CEP128: variants seen among roughly 807,000 people sequenced by gnomAD.
CEP128 encodes centrosomal protein 128kDa.
A neutral mutation model predicts 156.7 loss-of-function variants in CEP128; 132 were observed. That is an observed-to-expected ratio of 0.84 (90% CI 0.73 to 0.97). The LOEUF (loss-of-function observed/expected upper bound fraction) is 0.97. Among genes scored for constraint, CEP128 ranks in the 50% least tolerant of loss-of-function variants. The probability of loss-of-function intolerance (pLI) is 0.00; values close to 1 mark genes in which losing one functional copy is unlikely to be tolerated. For synonymous variants in CEP128, 469 were observed against 448.9 expected (o/e 1.04, Z -0.57); for missense variants, 1,252 against 1,281.9 (o/e 0.98, Z 0.36).
At chr14:80,767,759 A>G (rs1900311224) in intron 16 of CEP128, among the ~76,000 whole-genome samples, 5 of 152,164 alleles carry the variant, frequency 3.3e-5, no homozygotes, top group Admixed American at 2.6e-4. Context: ...AGCCTTAGTA[A>G]AACAATAGAG....
At chr14:80,539,529 C>T (rs189263631) in intron 21 of CEP128, among the ~76,000 whole-genome samples, 1 of 152,186 alleles carries the variant, frequency 6.6e-6, no homozygotes, top group Non-Finnish European at 1.5e-5. Flanking sequence ...TCTTCATAAG[C>T]TGAGGATGTA....
chr14:80,917,966 C>T (rs1432067769), intron 2 of CEP128, among the ~76,000 whole-genome samples: 1 of 152,168 alleles, frequency 6.6e-6, no homozygotes, highest in Admixed American at 6.5e-5. Context: ...GTAGCTAAGA[C>T]AGGGTTAGAG....
Position 80,654,669 on chromosome 14 carries a change from T to C in CEP128, c.2807-74246A>G, listed in dbSNP as rs576825353. Among the ~76,000 whole-genome samples, 133 of 152,342 alleles carry C rather than the reference T, an allele frequency of 8.7e-4. No individual in the cohort carries two copies. In the Middle Eastern group the frequency reaches 0.01, roughly 12 times the overall value. On this transcript the variant is annotated intron_variant, in intron 19 of 24. Coordinates refer to ENST00000555265, the MANE Select transcript of CEP128 (RefSeq NM_152446.5). The stretch of plus-strand genomic sequence containing the variant: ...TTTCTTTTTTCTTAATCTTCATCTT[T>C]AATGTTCTTGAAGTATTTTATAAAA...
intron 4 of CEP128, among the ~76,000 whole-genome samples, chr14:80,911,148 AAGG>A (rs1884188446): frequency 6.6e-6 from 1 of 152,226 alleles, no homozygotes; most frequent in African/African-American, 2.4e-5. Flanking sequence ...AAATCTATGA[AAGG>A]AGATCATCTG....
At chr14:80,923,409 C>T (rs1213737409) in intron 2 of CEP128, among the ~76,000 whole-genome samples, 2 of 152,178 alleles carry the variant, frequency 1.3e-5, no homozygotes, top group Admixed American at 6.5e-5. Context: ...AAAGAGCCAT[C>T]AGATTGTCTT....
rs556588693 is a variant in CEP128 at position 80,583,324 on chromosome 14, T to C, written c.2807-2901A>G. 6.6e-5 allele frequency among the ~76,000 whole-genome samples: 10 copies of C among 152,142 alleles called. No homozygotes were observed. In the South Asian group the frequency reaches 2.1e-3, roughly 32 times the overall value. On this transcript the variant is annotated intron_variant, in intron 19 of 24. Transcript: ENST00000555265. ...GGGTATAAGCAGACACCTGTTTTGGTTTTTATTTTTTTTTTCTTTGTGCCA... is the reference window on the plus strand; with the variant it reads ...GGGTATAAGCAGACACCTGTTTTGGCTTTTATTTTTTTTTTCTTTGTGCCA...
At chr14:80,818,369 T>C (rs2139983486) in intron 13 of CEP128, among the ~76,000 whole-genome samples, 1 of 152,318 alleles carries the variant, frequency 6.6e-6, no homozygotes, top group Non-Finnish European at 1.5e-5. Flanking sequence ...AAAGCTGAAA[T>C]AAAGACATGC....
chr14:80,644,074 T>G (rs754971106), intron 19 of CEP128, among the ~76,000 whole-genome samples: 2 of 151,966 alleles, frequency 1.3e-5, no homozygotes, highest in Non-Finnish European at 2.9e-5. Context: ...AGGAAGAGAA[T>G]AGAGTGCTGC....
chr14:80,745,276 G>T (rs1011410285), intron 18 of CEP128, among the ~76,000 whole-genome samples: 2 of 152,056 alleles, frequency 1.3e-5, no homozygotes, highest in Admixed American at 1.3e-4. Context: ...CACCATGATT[G>T]TAAGTTTCCT....
At chr14:80,866,146 G>T (rs74776048) in intron 8 of CEP128, among the ~76,000 whole-genome samples, 7,650 of 152,160 alleles carry the variant, frequency 0.05, 390 homozygotes, top group South Asian at 0.23. Context: ...GTGCACCTCA[G>T]TACTAGACTG....
At position 80,836,093 on chromosome 14, in the gene CEP128, T is replaced by C. The variant is rs1265618364; in HGVS notation, c.1057+112A>G. 5.4e-6 allele frequency: 5 copies of C among 927,838 alleles called. No individual in the cohort carries two copies. The East Asian group carries it at 9.7e-5, about 18-fold the overall frequency. The allele number at this position is 927,838 out of a possible 1,614,324, so 57.5% of individuals were successfully genotyped here. ...ATGTTTAATAGATCAAGAAATAGTA[T>C]GACGTGAGCATCACAAAGGAATGCA... On this transcript the variant is annotated intron_variant, in intron 12 of 24. Coordinates refer to ENST00000555265, the MANE Select transcript of CEP128 (RefSeq NM_152446.5).
At position 80,664,062 on chromosome 14, in the gene CEP128, C is replaced by G. The variant is rs535380978; in HGVS notation, c.2806+79013G>C. 1.9e-3 allele frequency among the ~76,000 whole-genome samples: 296 copies of G among 152,330 alleles called. 1 individual carries two copies. Among genetic ancestry groups the G allele is most frequent in the African/African-American group, 6.5e-3 (272 of 41,582 alleles). On this transcript the variant is annotated intron_variant, in intron 19 of 24. Transcript: ENST00000555265. ...GATACTAAATCAATTTTCTCACCAC[C>G]TTTCTTGGAAAATGTGCACTTCTAG... is the stretch of plus-strand genomic sequence containing the variant.
At chr14:80,661,826 G>C (rs894217179) in intron 19 of CEP128, among the ~76,000 whole-genome samples, 1 of 152,066 alleles carries the variant, frequency 6.6e-6, no homozygotes, top group Non-Finnish European at 1.5e-5. Flanking sequence ...CAATTAATGA[G>C]ATTTAAAAAA....
At chr14:80,617,240 TTTTTTTTTG>T (rs1893257216) in intron 19 of CEP128, among the ~76,000 whole-genome samples, 1 of 126,066 alleles carries the variant, frequency 7.9e-6, no homozygotes, top group African/African-American at 3.0e-5. Flanking sequence ...TTTTTTTTTT[TTTTTTTTTG>T]AGACGGAGTG....
chr14:80,907,020 TCAGC>T (rs1294212549), intron 4 of CEP128, among the ~76,000 whole-genome samples: 1 of 152,156 alleles, frequency 6.6e-6, no homozygotes, highest in African/African-American at 2.4e-5. Flanking sequence ...TTTCCTAAAT[TCAGC>T]CAGCGTTAAA....
At chr14:80,542,379 C>T (rs11851154) in intron 21 of CEP128, among the ~76,000 whole-genome samples, 49,029 of 152,056 alleles carry the variant, frequency 0.32, 8,236 homozygotes, top group African/African-American at 0.39. Flanking sequence ...AAGAAAAATA[C>T]TGCAAGATTA....
intron 19 of CEP128, among the ~76,000 whole-genome samples, chr14:80,736,550 C>A (rs1001779593): frequency 1.3e-5 from 2 of 151,988 alleles, no homozygotes; most frequent in Non-Finnish European, 2.9e-5. Context: ...TCTCTCCCCT[C>A]AATATTTTGG....
At chr14:80,807,975 G>T (rs78791433) in intron 13 of CEP128, among the ~76,000 whole-genome samples, 3,552 of 152,280 alleles carry the variant, frequency 0.023, 63 homozygotes, top group Non-Finnish European at 0.038. Context: ...CCCAGGGAAA[G>T]AAGGATAGAG....
At chr14:80,687,787 C>T (rs1191816220) in intron 19 of CEP128, among the ~76,000 whole-genome samples, 1 of 152,048 alleles carries the variant, frequency 6.6e-6, no homozygotes, top group African/African-American at 2.4e-5. Context: ...CTGAACTCTC[C>T]CTCAAAATGA....
Sources: allele counts gnomAD v4.1 joint callset (sites outside exome capture counted in the v4.1 genomes callset), GRCh38; gene constraint gnomAD v4.1.1; transcripts MANE v1.5; gene names NCBI Gene and HGNC (gene_info 2026-07-23, HGNC 2026-07-21).